Variants in NAALADL2 observed in about 807,000 individuals in gnomAD.
The protein encoded by NAALADL2 is N-acetylated alpha-linked acidic dipeptidase like 2.
Under a neutral mutation model 87.2 loss-of-function variants are expected in NAALADL2, and 76 were observed. That is an observed-to-expected ratio of 0.87 (90% CI 0.72 to 1.05). The LOEUF (loss-of-function observed/expected upper bound fraction) is 1.05, where lower values mean the gene tolerates loss of function less well. Among genes scored for constraint, NAALADL2 ranks in the 50% least tolerant of loss-of-function variants. The probability of loss-of-function intolerance (pLI) is 0.00; values close to 1 mark genes in which losing one functional copy is unlikely to be tolerated. For synonymous variants in NAALADL2, 354 were observed against 331.0 expected (o/e 1.07, Z -0.75); for missense variants, 1,089 against 945.8 (o/e 1.15, Z -1.99).
In NAALADL2 at chr3:174,818,508, G is replaced by T. The variant is rs188182155; in HGVS notation, c.-9+80762G>T. ...ATTGTATTTGTTGTTGTATTTATTTGAATATAAAAATAACACTGCATATAC... is the reference window on the plus strand; with the variant it reads ...ATTGTATTTGTTGTTGTATTTATTTTAATATAAAAATAACACTGCATATAC... On this transcript the variant is annotated intron_variant, in intron 3 of 3. Transcript: ENST00000434257. Among the ~76,000 whole-genome samples the T allele has an allele frequency of 7.1e-3, 1,077 of 152,024 alleles. 6 individuals carry two copies. Among genetic ancestry groups the T allele is most frequent in the African/African-American group, 0.018 (734 of 41,484 alleles).
At chr3:175,397,776 C>A (rs1769999694) in intron 5 of NAALADL2, among the ~76,000 whole-genome samples, 1 of 152,138 alleles carries the variant, frequency 6.6e-6, no homozygotes, top group South Asian at 2.1e-4. Flanking sequence ...ATGTAAGTAT[C>A]TTGGAAAACA....
rs185540220 is a variant in NAALADL2 at position 174,560,798 on chromosome 3, A to G, written c.-115+10161A>G. 1.6e-3 allele frequency among the ~76,000 whole-genome samples: 247 copies of G among 152,076 alleles called. 1 individual carries two copies. The highest frequency in any genetic ancestry group is 5.6e-3 in the African/African-American group (234 of 41,468). On this transcript the variant is annotated intron_variant, in intron 2 of 3. Coordinates refer to the NAALADL2 transcript ENST00000434257. ...GTTATCTGGTAAATTGTGATTTTTT[A>G]TTTGGTATCTTAGTCTGCTTTCAGG...
chr3:175,414,305 T>C (rs769739433), intron 5 of NAALADL2, among the ~76,000 whole-genome samples: 2 of 152,178 alleles, frequency 1.3e-5, no homozygotes, highest in Non-Finnish European at 2.9e-5. Flanking sequence ...TTTATGAATA[T>C]TAGATGCTCA....
intron 2 of NAALADL2, among the ~76,000 whole-genome samples, chr3:174,608,614 A>G (rs1719401119): frequency 6.6e-6 from 1 of 152,198 alleles, no homozygotes; most frequent in African/African-American, 2.4e-5. Flanking sequence ...CTAAACCAGG[A>G]AGAAGTTGAA....
chr3:175,030,009 T>C (rs558824820), intron 1 of NAALADL2, among the ~76,000 whole-genome samples: 1 of 152,240 alleles, frequency 6.6e-6, no homozygotes, highest in Admixed American at 6.6e-5. Context: ...TGTCAGCGTG[T>C]TCGTAAGTAT....
intron 1 of NAALADL2, among the ~76,000 whole-genome samples, chr3:174,990,275 A>G (rs1021230852): frequency 6.6e-6 from 1 of 152,262 alleles, no homozygotes; most frequent in South Asian, 2.1e-4. Flanking sequence ...TTATCTGATC[A>G]TGTTGGCATG....
intron 10 of NAALADL2, among the ~76,000 whole-genome samples, chr3:175,578,326 G>A (rs1330965516): frequency 1.3e-5 from 2 of 152,022 alleles, no homozygotes; most frequent in South Asian, 2.1e-4. Context: ...GGGATGGTGG[G>A]GAGGGCTGTG....
At chr3:175,772,654 C>T (rs757787999) in intron 13 of NAALADL2, among the ~76,000 whole-genome samples, 1 of 152,114 alleles carries the variant, frequency 6.6e-6, no homozygotes, top group Non-Finnish European at 1.5e-5. Context: ...CACAGGGTTC[C>T]GTCTTTGATC....
intron 1 of NAALADL2, chr3:175,059,390 T>A (rs948847327): frequency 3.2e-5 from 5 of 154,664 alleles, no homozygotes; most frequent in African/African-American, 1.2e-4. Flanking sequence ...ATCCATCGAC[T>A]ACACAGAATC....
At chr3:174,769,108 T>C (rs769834063) in intron 3 of NAALADL2, among the ~76,000 whole-genome samples, 2 of 152,056 alleles carry the variant, frequency 1.3e-5, no homozygotes, top group Non-Finnish European at 2.9e-5. Flanking sequence ...CACTGGAAGA[T>C]AATTTTTTAA....
At chr3:175,256,179 G>C (rs1172640086) in intron 3 of NAALADL2, among the ~76,000 whole-genome samples, 1 of 152,262 alleles carries the variant, frequency 6.6e-6, no homozygotes, top group East Asian at 1.9e-4. Flanking sequence ...AGAAGAGAGA[G>C]AGAGCAAAGC....
chr3:174,832,357 T>G (rs912045200), intron 3 of NAALADL2, among the ~76,000 whole-genome samples: 15 of 152,198 alleles, frequency 9.9e-5, no homozygotes, highest in Non-Finnish European at 2.2e-4. Flanking sequence ...TGCCTTCATT[T>G]CGTTATGTAC....
chr3:175,275,012 AC>A (rs1173788781), intron 4 of NAALADL2, among the ~76,000 whole-genome samples: 1 of 152,114 alleles, frequency 6.6e-6, no homozygotes, highest in Non-Finnish European at 1.5e-5. Flanking sequence ...GCTATTTCTG[AC>A]TCATTATTTC....
At chr3:175,359,417 A>C (rs1460608158) in intron 5 of NAALADL2, among the ~76,000 whole-genome samples, 1 of 151,928 alleles carries the variant, frequency 6.6e-6, no homozygotes, top group South Asian at 2.1e-4. Context: ...ACAACAAGCC[A>C]CTCCTTTGTG....
At chr3:174,897,419 A>G (rs1037291158) in intron 1 of NAALADL2, among the ~76,000 whole-genome samples, 1 of 151,822 alleles carries the variant, frequency 6.6e-6, no homozygotes, top group African/African-American at 2.4e-5. Flanking sequence ...AAAAAAAAAA[A>G]GTGCTAACAT....
At chr3:175,657,231 A>G (rs755019120) in intron 11 of NAALADL2, among the ~76,000 whole-genome samples, 1 of 152,190 alleles carries the variant, frequency 6.6e-6, no homozygotes, top group Non-Finnish European at 1.5e-5. Flanking sequence ...CGTTGCTTGT[A>G]TGAATACACT....
chr3:174,906,830 A>T (rs1733033615), intron 1 of NAALADL2, among the ~76,000 whole-genome samples: 1 of 152,162 alleles, frequency 6.6e-6, no homozygotes, highest in Non-Finnish European at 1.5e-5. Context: ...GTTATGTAGC[A>T]ATAGATAACA....
intron 3 of NAALADL2, among the ~76,000 whole-genome samples, chr3:174,780,492 G>T (rs191132317): frequency 6.6e-6 from 1 of 152,140 alleles, no homozygotes; most frequent in Admixed American, 6.6e-5. Flanking sequence ...TTGCCTGATT[G>T]CCCTGGCCAG....
At chr3:175,381,929 G>C (rs1024475645) in intron 5 of NAALADL2, among the ~76,000 whole-genome samples, 1 of 152,088 alleles carries the variant, frequency 6.6e-6, no homozygotes, top group African/African-American at 2.4e-5. Flanking sequence ...TCTTTTGAAG[G>C]ATGGTTTTTG....
Sources: gnomAD v4.1 joint callset for allele counts (sites outside exome capture counted in the v4.1 genomes callset) on GRCh38, gnomAD v4.1.1 for gene constraint, MANE v1.5 for transcripts, NCBI Gene and HGNC (gene_info 2026-07-23, HGNC 2026-07-21) for gene names.